PPIP5K2: variants seen among roughly 807,000 people sequenced by gnomAD.
The protein encoded by PPIP5K2 is inositol hexakisphosphate and diphosphoinositol-pentakisphosphate kinase 2.
A neutral mutation model predicts 154.6 loss-of-function variants in PPIP5K2; 105 were observed. The observed-to-expected ratio is 0.68, with a 90% CI of 0.58 to 0.80. PPIP5K2 has a LOEUF of 0.80. Ranked by LOEUF, PPIP5K2 falls within the 30% of genes least tolerant of loss-of-function variation. The pLI, the probability that PPIP5K2 is intolerant of heterozygous loss-of-function variation, is 0.00. For missense variants in PPIP5K2, 992 were observed against 1,504.6 expected (o/e 0.66, Z 5.64); for synonymous variants, 480 against 490.3 (o/e 0.98, Z 0.28).
At chr5:103,161,119 C>T (rs1383591103) in intron 17 of PPIP5K2, among the ~76,000 whole-genome samples, 2 of 151,166 alleles carry the variant, frequency 1.3e-5, no homozygotes, top group African/African-American at 4.9e-5. Flanking sequence ...AACCCCCACC[C>T]CCACAACAGG....
intron 14 of PPIP5K2, among the ~76,000 whole-genome samples, chr5:103,157,948 TGA>T (rs1795674820): frequency 6.6e-6 from 1 of 152,132 alleles, no homozygotes; most frequent in Non-Finnish European, 1.5e-5. Flanking sequence ...TTCTAAAGTA[TGA>T]GAGAGATTTT....
chr5:103,176,478 C>T (rs1262770147), intron 21 of PPIP5K2, among the ~76,000 whole-genome samples: 2 of 151,572 alleles, frequency 1.3e-5, no homozygotes, highest in East Asian at 3.9e-4. Flanking sequence ...TGCATGTGCG[C>T]ACACACACAC....
Position 103,129,661 on chromosome 5 carries a change from C to G in PPIP5K2, c.72C>G (p.Phe24Leu). 6.2e-7 allele frequency: 1 copy of G among 1,609,658 alleles called. No homozygotes were observed. The highest frequency in any genetic ancestry group is 8.5e-7 in the Non-Finnish European group (1 of 1,178,604). The change falls in exon 2 of 31, where the codon TTC becomes TTG. Residue 24 changes from phenylalanine to leucine, a missense_variant. Transcript: ENST00000358359. ...TAAATCCTGGAAATTATCGACATTTCTTCCACCATGCAGATGAAGACGATG... is the reference window on the plus strand; with the variant it reads ...TAAATCCTGGAAATTATCGACATTTGTTCCACCATGCAGATGAAGACGATG... ...TEINPGNYRH[F>L]FHHADEDDEE... is the part of the protein sequence containing the mutation.
At chr5:103,200,640 T>G (rs1439749437) in intron 30 of PPIP5K2, among the ~76,000 whole-genome samples, 1 of 151,446 alleles carries the variant, frequency 6.6e-6, no homozygotes, top group Non-Finnish European at 1.5e-5. Context: ...ATTTATTTAT[T>G]TATTTATTCT....
intron 2 of PPIP5K2, 49 bp downstream of exon 2, chr5:103,129,752 G>GCCTGT: frequency 6.7e-7 from 1 of 1,488,416 alleles, no homozygotes; most frequent in Non-Finnish European, 8.9e-7. Flanking sequence ...TACAGTATAG[G>GCCTGT]CTTTTTACTA....
chr5:103,186,540 G>A (rs1253292944), intron 27 of PPIP5K2, 101 bp downstream of exon 27: 1 of 1,499,694 alleles, frequency 6.7e-7, no homozygotes, highest in African/African-American at 1.4e-5. Flanking sequence ...ACTGATTCGA[G>A]TGAAATCCTG....
chr5:103,120,515 C>T (rs972135253), intron 1 of PPIP5K2, 27 bp downstream of exon 1: 2 of 456,502 alleles, frequency 4.4e-6, no homozygotes, highest in African/African-American at 2.0e-5. Context: ...GGAGGAGAAC[C>T]GGAGATGCGG....
At chr5:103,142,327 CG>C (rs1284888475) in intron 5 of PPIP5K2, among the ~76,000 whole-genome samples, 17 of 152,190 alleles carry the variant, frequency 1.1e-4, no homozygotes, top group Non-Finnish European at 2.1e-4. Flanking sequence ...GCTCCGAGTG[CG>C]GGGCCCGCCA....
At chr5:103,195,120 CTT>C (rs1801874673) in intron 30 of PPIP5K2, 95 bp downstream of exon 30, 3 of 1,446,668 alleles carry the variant, frequency 2.1e-6, no homozygotes, top group Non-Finnish European at 2.8e-6. Flanking sequence ...TAATTAGTAT[CTT>C]TGCACTTCCC....
At position 103,205,252 on chromosome 5, in the gene PPIP5K2, A is replaced by G. The variant is rs1803446264; in HGVS notation, c.*3618A>G. 1 of 152,222 alleles carries G rather than the reference A, an allele frequency of 6.6e-6. No homozygotes were observed. The highest frequency in any genetic ancestry group is 6.5e-5 in the Admixed American group (1 of 15,274). 9.4% of individuals were successfully genotyped at this position (152,222 alleles called of 1,614,324 possible). A position where few individuals can be genotyped will look rare whatever the true frequency, so the allele number is the denominator to read the frequency against. ...TTAATCCAGTCTATCATTGATGGAC[A>G]TCTGGGTTGGTCCCAAGTCTTTGCT... On this transcript the variant is annotated 3_prime_UTR_variant, in exon 31 of 31. Transcript: ENST00000358359.
intron 25 of PPIP5K2, chr5:103,184,337 C>A (rs1800023265): frequency 5.6e-6 from 1 of 178,508 alleles, no homozygotes; most frequent in Admixed American, 6.0e-5. Flanking sequence ...TGTTTTTTCC[C>A]CCTTCAAATA....
At chr5:103,157,170 T>G (rs897214355) in intron 14 of PPIP5K2, among the ~76,000 whole-genome samples, 1 of 152,156 alleles carries the variant, frequency 6.6e-6, no homozygotes, top group Non-Finnish European at 1.5e-5. Context: ...TAAGTTCTTT[T>G]AGTGCTTATA....
intron 20 of PPIP5K2, among the ~76,000 whole-genome samples, 185 bp from the exon 21 acceptor site, chr5:103,173,667 TTAGTTA>T (rs1157048011): frequency 6.6e-6 from 1 of 151,984 alleles, no homozygotes; most frequent in African/African-American, 2.4e-5. Flanking sequence ...GAGGTCCTAG[TTAGTTA>T]TAGTTTGTGT....
At chr5:103,146,388 G>A (rs193204174) in intron 5 of PPIP5K2, 139 bp from the exon 6 acceptor site, 21 of 836,382 alleles carry the variant, frequency 2.5e-5, no homozygotes, top group South Asian at 4.4e-5. Flanking sequence ...ACATAAACAT[G>A]GATAATTAAA....
intron 17 of PPIP5K2, among the ~76,000 whole-genome samples, chr5:103,164,083 GA>G (rs1796764435): frequency 6.6e-6 from 1 of 151,844 alleles, no homozygotes; most frequent in African/African-American, 2.4e-5. Flanking sequence ...TTCTTTGTGG[GA>G]AAGTTTCTAA....
At chr5:103,187,197 G>A in intron 27 of PPIP5K2, 117 bp from the exon 28 acceptor site, 1 of 682,622 alleles carries the variant, frequency 1.5e-6, no homozygotes, top group African/African-American at 1.8e-5. Flanking sequence ...TTCTCTCATT[G>A]TCCCTTCTGC....
chr5:103,148,127 T>G (rs782344306), intron 7 of PPIP5K2, 95 bp downstream of exon 7: 1 of 878,912 alleles, frequency 1.1e-6, no homozygotes, highest in Non-Finnish European at 1.9e-6. Context: ...TAACCTTTAT[T>G]CTGGATCTCT....
At chr5:103,177,022 G>A in intron 21 of PPIP5K2, 1 of 712,252 alleles carries the variant, frequency 1.4e-6, no homozygotes. Flanking sequence ...ACTATATGAT[G>A]GTGGGAAAAA....
chr5:103,152,093 C>T (rs1794722823), intron 9 of PPIP5K2, among the ~76,000 whole-genome samples: 2 of 151,928 alleles, frequency 1.3e-5, no homozygotes, highest in South Asian at 4.1e-4. Context: ...AGATTAAGAA[C>T]ATTTAACCCA....
Sources: gnomAD v4.1 joint callset for allele counts (sites outside exome capture counted in the v4.1 genomes callset) on GRCh38, gnomAD v4.1.1 for gene constraint, MANE v1.5 for transcripts, NCBI Gene and HGNC (gene_info 2026-07-23, HGNC 2026-07-21) for gene names.